The following FREM3 variants were observed in gnomAD, a reference collection of about 807,000 sequenced individuals.
The protein encoded by FREM3 is FRAS1-related extracellular matrix protein 3.
In FREM3, 105 loss-of-function variants were observed where a neutral mutation model predicts 129.1. The observed-to-expected ratio is 0.81, with a 90% confidence interval of 0.69 to 0.96. The LOEUF (loss-of-function observed/expected upper bound fraction) is 0.96, where lower values mean the gene tolerates loss of function less well. FREM3 is among the 40% of genes least tolerant of loss of function. The probability of loss-of-function intolerance (pLI) is 0.00; values close to 1 mark genes in which losing one functional copy is unlikely to be tolerated. For synonymous variants in FREM3, 1,014 were observed against 1,044.9 expected, an observed-to-expected ratio of 0.97 and a Z score of 0.57; for missense variants, 2,593 against 2,666.3, an observed-to-expected ratio of 0.97 and a Z score of 0.61.
chr4:143,685,383 G>A (rs1203060598), intron 2 of FREM3, among the ~76,000 whole-genome samples: 1 of 152,136 alleles, frequency 6.6e-6, no homozygotes, highest in African/African-American at 2.4e-5. Flanking sequence ...CAAGAATTTT[G>A]TATCCAGCAA....
chr4:143,682,485 G>A (rs970313739), intron 2 of FREM3, among the ~76,000 whole-genome samples: 5 of 152,188 alleles, frequency 3.3e-5, no homozygotes, highest in African/African-American at 1.2e-4. Flanking sequence ...AACTTCTAGC[G>A]GGTATTGGGA....
chr4:143,693,941 A>C (rs867630139), intron 1 of FREM3, among the ~76,000 whole-genome samples: 2 of 152,150 alleles, frequency 1.3e-5, no homozygotes, highest in Non-Finnish European at 2.9e-5. Context: ...GGAGTTCTTA[A>C]ATGATAAGAA....
At chr4:143,632,384 T>C (rs1252631107) in intron 2 of FREM3, among the ~76,000 whole-genome samples, 1 of 151,988 alleles carries the variant, frequency 6.6e-6, no homozygotes, top group Non-Finnish European at 1.5e-5. Context: ...CCTAAAGGGG[T>C]GATATTTGAT....
intron 2 of FREM3, among the ~76,000 whole-genome samples, chr4:143,676,686 C>T (rs1025709515): frequency 2.0e-5 from 3 of 152,206 alleles, no homozygotes; most frequent in Non-Finnish European, 2.9e-5. Flanking sequence ...TAAGCAACTT[C>T]AGCAAAGTCT....
chr4:143,616,803 AG>A (rs200971988), intron 5 of FREM3, among the ~76,000 whole-genome samples: 25 of 151,110 alleles, frequency 1.7e-4, no homozygotes, highest in Admixed American at 3.3e-4. Context: ...AAAAAAAAAA[AG>A]GAAGAAAGAA....
chr4:143,661,587 G>C (rs1451249795), intron 2 of FREM3, among the ~76,000 whole-genome samples: 3 of 151,798 alleles, frequency 2.0e-5, no homozygotes, highest in Non-Finnish European at 4.4e-5. Flanking sequence ...TTGGTATCAG[G>C]ATGATGCTGG....
At chr4:143,623,493 T>TCACC (rs1738989290) in intron 4 of FREM3, among the ~76,000 whole-genome samples, 1 of 68,522 alleles carries the variant, frequency 1.5e-5, no homozygotes, top group African/African-American at 4.3e-5. Flanking sequence ...TGAATACTAA[T>TCACC]CCCCCCCCCC....
Position 143,700,382 on chromosome 4 carries a change from C to T in FREM3, c.294G>A (p.Thr98=), listed in dbSNP as rs1017068293. The T allele has an allele frequency of 3.9e-6, 6 of 1,535,058 alleles. No individual in the cohort carries two copies. Among genetic ancestry groups the T allele is most frequent in the Non-Finnish European group, 5.2e-6 (6 of 1,146,170 alleles). ...TGAGCCGCGGCAGGGCGTCCAGTACCGTGACTTCGCACCGGTCCCCCGGCT... is the reference window on the plus strand; with the variant it reads ...TGAGCCGCGGCAGGGCGTCCAGTACTGTGACTTCGCACCGGTCCCCCGGCT... ...GVQPGDRCEV[T]VLDALPRLKG... The change falls in exon 1 of 8, where the codon ACG becomes ACA. Residue 98 remains threonine (T), a synonymous_variant. Transcript: ENST00000329798.
intron 6 of FREM3, among the ~76,000 whole-genome samples, chr4:143,590,173 T>G (rs1196374699): frequency 1.3e-5 from 2 of 152,160 alleles, no homozygotes; most frequent in Non-Finnish European, 2.9e-5. Flanking sequence ...TACAATCATG[T>G]CATCTGCAAA....
intron 2 of FREM3, among the ~76,000 whole-genome samples, chr4:143,629,701 A>G (rs1388361298): frequency 6.6e-6 from 1 of 152,098 alleles, no homozygotes; most frequent in African/African-American, 2.4e-5. Flanking sequence ...TCTTTTATAT[A>G]CTGTCACATG....
At chr4:143,661,094 G>A (rs967618385) in intron 2 of FREM3, among the ~76,000 whole-genome samples, 1 of 152,152 alleles carries the variant, frequency 6.6e-6, no homozygotes, top group African/African-American at 2.4e-5. Context: ...CTGCCTGATT[G>A]CCCTGGCCAG....
chr4:143,684,086 G>A (rs1740309369), intron 2 of FREM3, among the ~76,000 whole-genome samples: 1 of 152,176 alleles, frequency 6.6e-6, no homozygotes, highest in Non-Finnish European at 1.5e-5. Context: ...GGTAGTGGAA[G>A]ACAAAGGGCA....
At chr4:143,621,410 A>C (rs1034551547) in intron 4 of FREM3, among the ~76,000 whole-genome samples, 8 of 152,204 alleles carry the variant, frequency 5.3e-5, no homozygotes, top group Admixed American at 2.0e-4. Context: ...AGGAAAACAA[A>C]AATCTTGCAG....
chr4:143,684,442 C>T (rs770254730), intron 2 of FREM3, among the ~76,000 whole-genome samples: 2 of 152,190 alleles, frequency 1.3e-5, no homozygotes, highest in Non-Finnish European at 2.9e-5. Context: ...AAGCCACATC[C>T]ATAGTAAAAG....
rs7699956 is a variant in FREM3 at position 143,695,753 on chromosome 4, C to T, written c.4923G>A (p.Ala1641=). The part of the protein sequence containing the change: ...DFYVLPDTAL[A]THKPQVMRVQ... ...CCCTCATTACTTGAGGTTTGTGTGTCGCCAGGGCAGTGTCTGGTAGGACAT... is the reference window on the plus strand; with the variant it reads ...CCCTCATTACTTGAGGTTTGTGTGTTGCCAGGGCAGTGTCTGGTAGGACAT... Residue 1641 remains alanine (A), a synonymous_variant, in exon 1 of 8, where the codon GCG becomes GCA. Transcript: ENST00000329798. The T allele has an allele frequency of 0.051, 78,610 of 1,537,156 alleles. 2,367 individuals carry two copies. Among genetic ancestry groups the T allele is most frequent in the Middle Eastern group, 0.1 (604 of 5,992 alleles).
intron 2 of FREM3, among the ~76,000 whole-genome samples, chr4:143,664,773 T>C (rs1482640873): frequency 6.6e-6 from 1 of 152,186 alleles, no homozygotes. Flanking sequence ...TTTGTTTACC[T>C]AAGCAAGCCT....
chr4:143,610,093 A>G (rs1487728757), intron 6 of FREM3, among the ~76,000 whole-genome samples: 1 of 152,220 alleles, frequency 6.6e-6, no homozygotes, highest in Non-Finnish European at 1.5e-5. Context: ...CGAAGAAAGC[A>G]TGGATCTCAG....
At chr4:143,620,950 GC>G in intron 5 of FREM3, 86 bp downstream of exon 5, 1 of 1,320,602 alleles carries the variant, frequency 7.6e-7, no homozygotes, top group Non-Finnish European at 1.0e-6. Flanking sequence ...ACTCTGCTTT[GC>G]TCACCCTCTG....
In FREM3 at chr4:143,681,765, T is replaced by G. The variant is rs144794297; in HGVS notation, c.5275+11348A>C. Among the ~76,000 whole-genome samples the G allele has an allele frequency of 2.1e-3, 323 of 152,290 alleles. 2 individuals are homozygous for G. The highest frequency in any genetic ancestry group is 7.6e-3 in the African/African-American group (314 of 41,570). ...AAGAAAACTTGTATTTATTGGGAAA[T>G]TGATATATGTTAAGCATCATATTAC... On this transcript the variant is annotated intron_variant, in intron 2 of 7. Coordinates refer to ENST00000329798, the MANE Select transcript of FREM3 (RefSeq NM_001168235.2).
Sources: gnomAD v4.1 joint callset for allele counts (sites outside exome capture counted in the v4.1 genomes callset) on GRCh38, gnomAD v4.1.1 for gene constraint, MANE v1.5 for transcripts, NCBI Gene and HGNC (gene_info 2026-07-23, HGNC 2026-07-21) for gene names.